LAMA3: variants seen among roughly 807,000 people sequenced by gnomAD.
LAMA3 encodes the protein laminin subunit alpha 3.
Under a neutral mutation model 402.0 loss-of-function variants are expected in LAMA3, and 281 were observed. The observed-to-expected ratio is 0.70, with a 90% CI of 0.63 to 0.77. The LOEUF is 0.77. Among genes scored for constraint, LAMA3 ranks in the 30% least tolerant of loss-of-function variants. The pLI is 0.00. For synonymous variants in LAMA3, 1,431 were observed against 1,558.4 expected (o/e 0.92, Z 1.93); for missense variants, 3,840 against 4,215.5 (o/e 0.91, Z 2.47).
At chr18:23,832,171 C>T (rs944932964) in intron 23 of LAMA3, among the ~76,000 whole-genome samples, 21 of 152,062 alleles carry the variant, frequency 1.4e-4, no homozygotes, top group African/African-American at 3.6e-4. Context: ...AACTTCTGGG[C>T]GAAAACCTGG....
chr18:23,814,721 G>T (rs1211569147), intron 15 of LAMA3, among the ~76,000 whole-genome samples: 1 of 152,148 alleles, frequency 6.6e-6, no homozygotes, highest in African/African-American at 2.4e-5. Context: ...GTATTTTGTT[G>T]TTTGAGAAGG....
chr18:23,937,068 CAA>C (rs1327987215), intron 67 of LAMA3, among the ~76,000 whole-genome samples: 2 of 152,064 alleles, frequency 1.3e-5, no homozygotes, highest in African/African-American at 4.8e-5. Context: ...ATCATCTAGG[CAA>C]AAGAGTCGGG....
chr18:23,827,407 C>G lies in LAMA3; in HGVS notation c.2763C>G (p.Pro921=). Residue 921 remains proline, a synonymous_variant, in exon 23 of 75, where the codon CCC becomes CCG. Coordinates refer to ENST00000313654, the MANE Select transcript of LAMA3 (RefSeq NM_198129.4). ...RHFLLDGEPR[P]VAVRQPTPAH... is the part of the protein sequence containing the mutation. Reference sequence around the variant, plus strand: ...TCCTGCTTGATGGGGAGCCAAGACCCGTGGCAGTGAGGCAGCCCACACCTG... The same window carrying G: ...TCCTGCTTGATGGGGAGCCAAGACCGGTGGCAGTGAGGCAGCCCACACCTG... The G allele has an allele frequency of 1.2e-6, 2 of 1,614,134 alleles. No individual in the cohort carries two copies. Among genetic ancestry groups the G allele is most frequent in the Non-Finnish European group, 1.7e-6 (2 of 1,180,020 alleles).
intron 12 of LAMA3, among the ~76,000 whole-genome samples, chr18:23,807,470 G>GTGTGTGTGTA (rs2062984908): frequency 2.0e-5 from 3 of 151,810 alleles, no homozygotes; most frequent in African/African-American, 7.3e-5. Context: ...GTGTGTGTGT[G>GTGTGTGTGTA]TGTGTGTATG....
intron 32 of LAMA3, among the ~76,000 whole-genome samples, chr18:23,853,993 A>G (rs1291710922): frequency 6.6e-6 from 1 of 152,218 alleles, no homozygotes; most frequent in African/African-American, 2.4e-5. Context: ...GCAGTACTCA[A>G]GAATATAGAT....
At chr18:23,832,541 T>A (rs186492261) in intron 23 of LAMA3, among the ~76,000 whole-genome samples, 79 of 152,240 alleles carry the variant, frequency 5.2e-4, no homozygotes, top group African/African-American at 1.8e-3. Flanking sequence ...CGGAGGTGGG[T>A]TACACTGCTG....
chr18:23,721,009 T>G (rs1281044413), intron 2 of LAMA3, among the ~76,000 whole-genome samples: 4 of 151,782 alleles, frequency 2.6e-5, no homozygotes, highest in Non-Finnish European at 5.9e-5. Context: ...AATAAAATAA[T>G]TAGCCAGGCA....
At chr18:23,737,694 C>T (rs942946967) in intron 2 of LAMA3, among the ~76,000 whole-genome samples, 2 of 152,222 alleles carry the variant, frequency 1.3e-5, no homozygotes, top group Non-Finnish European at 2.9e-5. Flanking sequence ...GGCAGGTTAC[C>T]GGCCCTGCCC....
chr18:23,949,038 C>T (rs562778886), intron 70 of LAMA3, among the ~76,000 whole-genome samples: 90 of 152,258 alleles, frequency 5.9e-4, no homozygotes, highest in Non-Finnish European at 9.3e-4. Context: ...AAAATGCACA[C>T]GCAGAACACA....
rs988215922 is a variant in LAMA3 at position 23,815,418 on chromosome 18, T to G, written c.1942-50T>G. On this transcript the variant is annotated intron_variant, in intron 16 of 74. Transcript: ENST00000313654. Reference sequence around the variant, plus strand: ...GGCAGTTTTCAATCTTGAAGATTAGTGAATTCTGTAATTATATCAAATGTT... The same window carrying G: ...GGCAGTTTTCAATCTTGAAGATTAGGGAATTCTGTAATTATATCAAATGTT... The G allele has an allele frequency of 2.7e-6, 4 of 1,508,380 alleles. No individual in the cohort carries two copies. The African/African-American group carries it at 5.5e-5, about 21-fold the overall frequency. The allele number at this position is 1,508,380 out of a possible 1,614,324, so 93.4% of individuals were successfully genotyped here. A position where few individuals can be genotyped will look rare whatever the true frequency, so the allele number is the denominator to read the frequency against.
chr18:23,902,956 G>A (rs2081122566), intron 48 of LAMA3, 53 bp from the exon 49 acceptor site: 2 of 1,004,138 alleles, frequency 2.0e-6, no homozygotes, highest in Non-Finnish European at 1.6e-6. Flanking sequence ...ATTTGTCTAT[G>A]CCTTCTGATA....
At chr18:23,940,557 T>C (rs1337125547) in intron 68 of LAMA3, among the ~76,000 whole-genome samples, 1 of 152,212 alleles carries the variant, frequency 6.6e-6, no homozygotes, top group African/African-American at 2.4e-5. Flanking sequence ...TCAATTTTCC[T>C]GTTAGTTAAA....
intron 60 of LAMA3, among the ~76,000 whole-genome samples, chr18:23,917,335 G>A (rs375291422): frequency 9.2e-5 from 14 of 152,158 alleles, no homozygotes; most frequent in East Asian, 1.9e-4. Flanking sequence ...GAACATTGGC[G>A]TGCATTTGTC....
intron 25 of LAMA3, among the ~76,000 whole-genome samples, chr18:23,838,416 A>G (rs28515567): frequency 9.9e-5 from 15 of 152,232 alleles, no homozygotes; most frequent in African/African-American, 3.6e-4. Context: ...CACATCCCCT[A>G]TCTTCCTCCC....
chr18:23,859,587 A>T (rs980927029), intron 34 of LAMA3, among the ~76,000 whole-genome samples: 2 of 152,192 alleles, frequency 1.3e-5, no homozygotes, highest in Admixed American at 6.5e-5. Flanking sequence ...AAAGAATATG[A>T]TAAAGGATAC....
rs77770012 is a variant in LAMA3 at position 23,759,974 on chromosome 18, A to G, written c.1063+1463A>G. Among the ~76,000 whole-genome samples, 560 of 152,332 alleles carry G rather than the reference A, an allele frequency of 3.7e-3. 3 individuals carry two copies. Among genetic ancestry groups the G allele is most frequent in the African/African-American group, 0.013 (531 of 41,570 alleles). On this transcript the variant is annotated intron_variant, in intron 7 of 74. Coordinates refer to ENST00000313654, the MANE Select transcript of LAMA3 (RefSeq NM_198129.4). Reference sequence around the variant, plus strand: ...CCCCAGATGAGGGGACCAGAGAGAGAGAAAGGTATAATAAAAGTAACCAGG... The same window carrying G: ...CCCCAGATGAGGGGACCAGAGAGAGGGAAAGGTATAATAAAAGTAACCAGG...
At chr18:23,938,762 CA>C (rs1431169741) in intron 67 of LAMA3, among the ~76,000 whole-genome samples, 5 of 151,920 alleles carry the variant, frequency 3.3e-5, no homozygotes, top group African/African-American at 1.2e-4. Flanking sequence ...CCAGGTGCGG[CA>C]GCTTTCAGAG....
chr18:23,705,577 T>G (rs1253699940), intron 1 of LAMA3, among the ~76,000 whole-genome samples: 1 of 152,066 alleles, frequency 6.6e-6, no homozygotes, highest in East Asian at 1.9e-4. Flanking sequence ...CAGGCTGTAG[T>G]GCAGTGATGC....
chr18:23,901,149 G>A lies in LAMA3; in HGVS notation c.6027G>A (p.Trp2009Ter). ...SQLLLNRIRT[W>*]QKTHQGENNG... ...CAGTGCTGAACCGGATAAGGACCTG[G>A]CAGAAAACCCACCAGGGGGAGAACA... The change falls in exon 48 of 75, where the codon TGG becomes TGA. Residue 2009 changes from tryptophan to a stop codon, truncating the protein, a stop_gained. Transcript: ENST00000313654. LOFTEE classifies it high-confidence loss of function. 6.2e-7 allele frequency: 1 copy of A among 1,614,148 alleles called. No individual in the cohort carries two copies. The highest frequency in any genetic ancestry group is 8.5e-7 in the Non-Finnish European group (1 of 1,180,002).
Sources: allele counts gnomAD v4.1 joint callset (sites outside exome capture counted in the v4.1 genomes callset), GRCh38; gene constraint gnomAD v4.1.1; transcripts MANE v1.5; gene names NCBI Gene and HGNC (gene_info 2026-07-23, HGNC 2026-07-21).